C14orf93: variants seen among roughly 807,000 people sequenced by gnomAD.
The protein encoded by C14orf93 is chromosome 14 open reading frame 93.
Under a neutral mutation model 44.0 loss-of-function variants are expected in C14orf93, and 23 were observed. The observed-to-expected ratio is 0.52, with a 90% CI of 0.38 to 0.74. C14orf93 has a LOEUF of 0.74. Among genes scored for constraint, C14orf93 ranks in the 30% least tolerant of loss-of-function variants. C14orf93 has a pLI of 0.00. For missense variants in C14orf93, 579 were observed against 678.9 expected, an observed-to-expected ratio of 0.85 and a Z score of 1.64; for synonymous variants, 253 against 265.7, an observed-to-expected ratio of 0.95 and a Z score of 0.46.
chr14:23,008,689 A>G (rs1325304791), intron 1 of C14orf93, among the ~76,000 whole-genome samples: 1 of 152,234 alleles, frequency 6.6e-6, no homozygotes, highest in Admixed American at 6.5e-5. Flanking sequence ...GAATGAAGTG[A>G]AAATAGGGCT....
At chr14:22,988,973 G>C (rs1468982196) in intron 5 of C14orf93, among the ~76,000 whole-genome samples, 2 of 152,084 alleles carry the variant, frequency 1.3e-5, no homozygotes, top group African/African-American at 4.8e-5. Flanking sequence ...TTGCCACTCT[G>C]ATGGAAGATT....
In C14orf93 at chr14:22,998,445, C is replaced by G; in HGVS notation, c.579G>C (p.Ala193=). 1 of 1,577,890 alleles carries G rather than the reference C, an allele frequency of 6.3e-7. No homozygotes were observed. The highest frequency in any genetic ancestry group is 8.6e-7 in the Non-Finnish European group (1 of 1,160,050). Residue 193 remains alanine (A), a synonymous_variant, in exon 2 of 7, where the codon GCG becomes GCC. Coordinates refer to ENST00000299088, the MANE Select transcript of C14orf93 (RefSeq NM_021944.4). ...LPGCTLAASE[A]APLLNPLVDD... is the part of the protein sequence containing the mutation. Reference sequence around the variant, plus strand: ...TACTCACAGGATTGAGCAGGGGGGCCGCCTCGCTGGCAGCCAGCGTGCACC... The same window carrying G: ...TACTCACAGGATTGAGCAGGGGGGCGGCCTCGCTGGCAGCCAGCGTGCACC...
chr14:23,005,955 G>T (rs1440314302), intron 1 of C14orf93: 1 of 152,124 alleles, frequency 6.6e-6, no homozygotes, highest in East Asian at 1.9e-4. Flanking sequence ...TTTTCTGCAT[G>T]ACTGAGTTCA....
At chr14:22,997,065 G>A (rs116708093) in intron 2 of C14orf93, among the ~76,000 whole-genome samples, 2,236 of 152,174 alleles carry the variant, frequency 0.015, 58 homozygotes, top group African/African-American at 0.049. Flanking sequence ...TGCTTTCTGC[G>A]CTGTGAAATC....
At chr14:22,999,758 T>A (rs1166463224) in intron 1 of C14orf93, among the ~76,000 whole-genome samples, 1 of 152,214 alleles carries the variant, frequency 6.6e-6, no homozygotes, top group Non-Finnish European at 1.5e-5. Flanking sequence ...GTAATTTTCA[T>A]ACAAATGCAT....
chr14:23,007,073 G>C (rs551464485), intron 1 of C14orf93: 2 of 152,266 alleles, frequency 1.3e-5, no homozygotes, highest in African/African-American at 4.8e-5. Context: ...GCTACCGCAC[G>C]GGCTGACTCA....
intron 1 of C14orf93, among the ~76,000 whole-genome samples, chr14:23,003,795 C>T (rs1365435442): frequency 9.5e-5 from 12 of 126,080 alleles, no homozygotes; most frequent in South Asian, 7.9e-4. Context: ...GGCGAGACTC[C>T]GGCTCAGAAA....
chr14:22,995,883 C>T, intron 3 of C14orf93, 65 bp downstream of exon 3: 1 of 1,452,448 alleles, frequency 6.9e-7, no homozygotes, highest in Non-Finnish European at 9.2e-7. Flanking sequence ...AAAATCAACC[C>T]ACCCATCACT....
chr14:22,988,928 A>C (rs1034097742), intron 5 of C14orf93, among the ~76,000 whole-genome samples: 4 of 152,044 alleles, frequency 2.6e-5, no homozygotes, highest in African/African-American at 9.7e-5. Flanking sequence ...TCTCTATTTA[A>C]AAAAAAATTT....
At chr14:23,000,303 A>C (rs1372364535) in intron 1 of C14orf93, among the ~76,000 whole-genome samples, 1 of 152,164 alleles carries the variant, frequency 6.6e-6, no homozygotes, top group Non-Finnish European at 1.5e-5. Flanking sequence ...TTTCTAAATA[A>C]TACTTGATGA....
intron 1 of C14orf93, chr14:23,000,951 ATACT>A (rs1369731915): frequency 1.3e-5 from 2 of 152,162 alleles, no homozygotes; most frequent in Admixed American, 1.3e-4. Context: ...TCTGTGCCAG[ATACT>A]TACTTCTCGC....
Position 22,988,044 on chromosome 14 carries a change from A to G in C14orf93, c.1085-29T>C, listed in dbSNP as rs145228111. Reference sequence around the variant, plus strand: ...GCGGGGAGGGAAGGAAGGGAGCAAGAAGGAGGGTCCTCTGAGTAGTGGTCC... The same window carrying G: ...GCGGGGAGGGAAGGAAGGGAGCAAGGAGGAGGGTCCTCTGAGTAGTGGTCC... On this transcript the variant is annotated intron_variant, in intron 5 of 6. Transcript: ENST00000299088. The G allele has an allele frequency of 2.6e-6, 4 of 1,524,534 alleles. No individual in the cohort carries two copies. In the African/African-American group the frequency reaches 4.1e-5, roughly 16 times the overall value. 94.4% of individuals were successfully genotyped at this position (1,524,534 alleles called of 1,614,324 possible).
chr14:23,009,230 TA>T (rs2046771620), intron 1 of C14orf93, among the ~76,000 whole-genome samples: 2 of 152,214 alleles, frequency 1.3e-5, no homozygotes, highest in Non-Finnish European at 2.9e-5. Flanking sequence ...AAAAATATAG[TA>T]AATGCACATA....
chr14:22,998,549 G>A lies in C14orf93; in HGVS notation c.475C>T (p.Leu159=). 1 of 1,614,056 alleles carries A rather than the reference G, an allele frequency of 6.2e-7. No homozygotes were observed. Among genetic ancestry groups the A allele is most frequent in the Non-Finnish European group, 8.5e-7 (1 of 1,179,998 alleles). Reference sequence around the variant, plus strand: ...ACTGAGGCTGCTCCCAGCTGCCGCAGCTCCTCAATCACCACCTGCACGCCG... The same window carrying A: ...ACTGAGGCTGCTCCCAGCTGCCGCAACTCCTCAATCACCACCTGCACGCCG... ...GSGVQVVIEE[L]RQLGAASVGP... is the part of the protein sequence containing the mutation. The change falls in exon 2 of 7, where the codon CTG becomes TTG. Residue 159 remains leucine (L), a synonymous_variant. Transcript: ENST00000299088.
Position 22,987,626 on chromosome 14 carries a change from G to T in C14orf93, c.1206C>A (p.Ala402=). The T allele has an allele frequency of 6.3e-7, 1 of 1,585,292 alleles. No individual in the cohort carries two copies. Among genetic ancestry groups the T allele is most frequent in the South Asian group, 1.1e-5 (1 of 86,966 alleles). ...AATGCCTCATGATACTGGATCGGTTGGCAAAAAGCTAAGGCAGGAACCCAG... is the reference window on the plus strand; with the variant it reads ...AATGCCTCATGATACTGGATCGGTTTGCAAAAAGCTAAGGCAGGAACCCAG... ...KLRSRRYRLF[A]NRSSIMRHFG... Residue 402 remains alanine (A), a synonymous_variant, in exon 7 of 7, where the codon GCC becomes GCA. Coordinates refer to ENST00000299088, the MANE Select transcript of C14orf93 (RefSeq NM_021944.4). The surrounding 1 kb of genome is among the most constrained non-coding windows in gnomAD (Gnocchi z 5.6).
chr14:22,994,371 C>T (rs1270544769), intron 3 of C14orf93, among the ~76,000 whole-genome samples: 3 of 152,028 alleles, frequency 2.0e-5, no homozygotes, highest in Non-Finnish European at 4.4e-5. Flanking sequence ...ATTAGCCAGG[C>T]GTGGTGGTGC....
chr14:22,996,736 T>G lies in C14orf93; in HGVS notation c.598-468A>C, dbSNP rs2045991562. ...TAAAGTCAGAAATCCCTAGAGAGAC[T>G]GGCAGCAACAGCTCCCCTCACCTAT... On this transcript the variant is annotated intron_variant, in intron 2 of 6. Transcript: ENST00000299088. This position sits in a 1 kb window ranked among gnomAD's most constrained non-coding sequence, Gnocchi z 4.1. 6.6e-6 allele frequency among the ~76,000 whole-genome samples: 1 copy of G among 152,128 alleles called. No homozygotes were observed. The highest frequency in any genetic ancestry group is 2.1e-4 in the South Asian group (1 of 4,832).
In C14orf93 at chr14:22,986,617, T is replaced by C. The variant is rs2045239082; in HGVS notation, c.*598A>G. The C allele has an allele frequency of 6.5e-6, 1 of 153,836 alleles. No homozygotes were observed. Among genetic ancestry groups the C allele is most frequent in the South Asian group, 2.0e-4 (1 of 4,896 alleles). The allele number at this position is 153,836 out of a possible 1,614,324, so 9.5% of individuals were successfully genotyped here. The stretch of plus-strand genomic sequence containing the variant: ...AGCCTTAATTTCCTCATCTGTAAGA[T>C]AGGAATAGTAAAATTTTCCTCATGT... On this transcript the variant is annotated 3_prime_UTR_variant, in exon 7 of 7. Transcript: ENST00000299088.
chr14:22,988,681 T>A (rs945077912), intron 5 of C14orf93, among the ~76,000 whole-genome samples: 4 of 152,082 alleles, frequency 2.6e-5, no homozygotes, highest in Admixed American at 6.5e-5. Context: ...TTGGTTTAGC[T>A]TTCTTTGCCC....
Sources: allele counts gnomAD v4.1 joint callset (sites outside exome capture counted in the v4.1 genomes callset), GRCh38; gene constraint gnomAD v4.1.1; non-coding constraint Gnocchi (gnomAD v3.1); transcripts MANE v1.5; gene names NCBI Gene and HGNC (gene_info 2026-07-23, HGNC 2026-07-21).